PSMA3: variants seen among roughly 807,000 people sequenced by gnomAD.
PSMA3 encodes the protein proteasome 20S subunit alpha 3, also known as proteasome subunit alpha type-3.
PSMA3 carries 8 observed loss-of-function variants against 40.0 expected under a neutral mutation model. That is an observed-to-expected ratio of 0.20 (90% CI 0.12 to 0.36). PSMA3 has a LOEUF of 0.36. PSMA3 is among the 10% of genes least tolerant of loss of function. The pLI is 1.00. For missense variants in PSMA3, 219 were observed against 310.6 expected, an observed-to-expected ratio of 0.70 and a Z score of 2.22; for synonymous variants, 110 against 100.0, an observed-to-expected ratio of 1.10 and a Z score of -0.59.
At chr14:58,261,604 A>C (rs2140090260) in intron 6 of PSMA3, among the ~76,000 whole-genome samples, 1 of 152,142 alleles carries the variant, frequency 6.6e-6, no homozygotes, top group South Asian at 2.1e-4. Flanking sequence ...TACTATAAAC[A>C]CTGTCTTAAA....
At chr14:58,260,109 C>G (rs1890239315) in intron 5 of PSMA3, among the ~76,000 whole-genome samples, 1 of 152,134 alleles carries the variant, frequency 6.6e-6, no homozygotes. Context: ...TACTCTAAGG[C>G]AAATATAGTT....
At chr14:58,252,297 A>T in intron 3 of PSMA3, 55 bp downstream of exon 3, 1 of 1,575,100 alleles carries the variant, frequency 6.3e-7, no homozygotes. Flanking sequence ...TTTTGAAGTA[A>T]CTGATTGGAA....
intron 7 of PSMA3, among the ~76,000 whole-genome samples, chr14:58,264,033 TGA>T (rs1263836062): frequency 1.3e-5 from 2 of 152,198 alleles, no homozygotes; most frequent in African/African-American, 4.8e-5. Context: ...GGTTTGATGT[TGA>T]GAGTTTATGA....
Position 58,258,664 on chromosome 14 carries a change from A to G in PSMA3, c.404+666A>G, listed in dbSNP as rs1017140377. ...GTGCTGATATTTTATTGTGGGGTAA[A>G]GTGGAGATTCAGCTGCATAAAGACC... On this transcript the variant is annotated intron_variant, in intron 5 of 10. Transcript: ENST00000216455. 4.9e-4 allele frequency among the ~76,000 whole-genome samples: 75 copies of G among 152,130 alleles called. 2 individuals are homozygous for G. Among genetic ancestry groups the G allele is most frequent in the Admixed American group, 3.9e-3 (60 of 15,258 alleles).
chr14:58,260,089 A>C (rs958574217), intron 5 of PSMA3, among the ~76,000 whole-genome samples: 3 of 152,180 alleles, frequency 2.0e-5, no homozygotes, highest in Non-Finnish European at 2.9e-5. Context: ...GATGCTGCTG[A>C]TTTCTTTTCT....
intron 1 of PSMA3, 61 bp downstream of exon 1, chr14:58,245,002 G>A (rs1460013608): frequency 3.1e-6 from 5 of 1,611,242 alleles, no homozygotes; most frequent in African/African-American, 1.3e-5. Context: ...AAGGGAACTC[G>A]GACAGACCAC....
chr14:58,256,767 G>A (rs1164030070), intron 3 of PSMA3, among the ~76,000 whole-genome samples: 1 of 152,006 alleles, frequency 6.6e-6, no homozygotes, highest in African/African-American at 2.4e-5. Context: ...ATTCTGAAGC[G>A]TTTTAAATTT....
chr14:58,271,096 C>A, intron 10 of PSMA3, 98 bp downstream of exon 10: 3 of 696,208 alleles, frequency 4.3e-6, no homozygotes, highest in Non-Finnish European at 6.7e-6. Context: ...GCAAGACCCC[C>A]ATCCCTAATT....
intron 8 of PSMA3, chr14:58,269,518 T>TAC (rs1344703904): frequency 3.3e-5 from 5 of 151,824 alleles, no homozygotes; most frequent in African/African-American, 1.2e-4. Context: ...CTGCAGCCCC[T>TAC]ACCTCCTGGG....
In PSMA3 at chr14:58,260,841, T is replaced by C. The variant is rs1890261729; in HGVS notation, c.405-107T>C. 7 of 701,786 alleles carry C rather than the reference T, an allele frequency of 1.0e-5. No homozygotes were observed. The Admixed American group carries it at 1.1e-4, about 11-fold the overall frequency. 43.5% of individuals were successfully genotyped at this position (701,786 alleles called of 1,614,324 possible). A position where few individuals can be genotyped will look rare whatever the true frequency, so the allele number is the denominator to read the frequency against. On this transcript the variant is annotated intron_variant, in intron 5 of 10. Coordinates refer to ENST00000216455, the MANE Select transcript of PSMA3 (RefSeq NM_002788.4). Reference sequence around the variant, plus strand: ...AGTACTTACTGAGTTATATGTGTATTAGTAATTTATCTCAGAAAGAAAATA... The same window carrying C: ...AGTACTTACTGAGTTATATGTGTATCAGTAATTTATCTCAGAAAGAAAATA...
chr14:58,270,549 GA>G (rs1890584772), intron 9 of PSMA3, 64 bp downstream of exon 9: 8 of 1,603,608 alleles, frequency 5.0e-6, no homozygotes, highest in Non-Finnish European at 6.8e-6. Flanking sequence ...ATTTACAACT[GA>G]GTGTCCTTTC....
chr14:58,245,035 G>A, intron 1 of PSMA3, 94 bp downstream of exon 1: 1 of 1,546,172 alleles, frequency 6.5e-7, no homozygotes, highest in South Asian at 1.1e-5. Flanking sequence ...GACCCGGGGT[G>A]CTCTGAGACC....
chr14:58,269,746 T>A (rs1566645808), intron 8 of PSMA3: 1 of 152,230 alleles, frequency 6.6e-6, no homozygotes, highest in Non-Finnish European at 1.5e-5. Context: ...TAGTTGGTTT[T>A]AAATATATTT....
chr14:58,271,375 G>A (rs1297364432), intron 10 of PSMA3, among the ~76,000 whole-genome samples: 2 of 143,640 alleles, frequency 1.4e-5, no homozygotes, highest in African/African-American at 5.3e-5. Flanking sequence ...TGTCACCCAG[G>A]CTGGAGGGCA....
At chr14:58,269,432 T>G (rs1427143354) in intron 8 of PSMA3, 2 of 152,022 alleles carry the variant, frequency 1.3e-5, no homozygotes. Context: ...TAAATTAGTT[T>G]TTTTTTTTTT....
intron 2 of PSMA3, 136 bp downstream of exon 2, chr14:58,247,968 C>T: frequency 3.3e-6 from 2 of 597,226 alleles, no homozygotes; most frequent in Non-Finnish European, 5.8e-6. Flanking sequence ...AGATCTCTTT[C>T]TAGGCCAGAT....
At chr14:58,270,322 A>G (rs754880303) in intron 8 of PSMA3, 96 bp from the exon 9 acceptor site, 161 of 1,507,032 alleles carry the variant, frequency 1.1e-4, no homozygotes, top group Non-Finnish European at 1.4e-4. Context: ...TACTTTTATT[A>G]TGGATGGACA....
intron 2 of PSMA3, among the ~76,000 whole-genome samples, chr14:58,251,789 C>T (rs549263402): frequency 2.2e-4 from 33 of 152,172 alleles, no homozygotes; most frequent in African/African-American, 7.5e-4. Context: ...TTTTAATGGA[C>T]ATGAATTTAT....
At chr14:58,260,829 T>A in intron 5 of PSMA3, 119 bp from the exon 6 acceptor site, 1 of 619,322 alleles carries the variant, frequency 1.6e-6, no homozygotes, top group Non-Finnish European at 2.8e-6. Flanking sequence ...ACTTACTGAG[T>A]TATATGTGTA....
Sources: gnomAD v4.1 joint callset for allele counts (sites outside exome capture counted in the v4.1 genomes callset) on GRCh38, gnomAD v4.1.1 for gene constraint, MANE v1.5 for transcripts, NCBI Gene and HGNC (gene_info 2026-07-23, HGNC 2026-07-21) for gene names.